MCC: variants seen among roughly 807,000 people sequenced by gnomAD.
MCC encodes MCC regulator of Wnt signaling pathway.
A neutral mutation model predicts 116.2 loss-of-function variants in MCC; 90 were observed. That is an observed-to-expected ratio of 0.77 (90% confidence interval 0.65 to 0.92). The LOEUF (loss-of-function observed/expected upper bound fraction) is 0.92, where lower values mean the gene tolerates loss of function less well. Among genes scored for constraint, MCC ranks in the 40% least tolerant of loss-of-function variants. MCC has a pLI of 0.00. For synonymous variants in MCC, 578 were observed against 510.5 expected, an observed-to-expected ratio of 1.13 and a Z score of -1.78; for missense variants, 1,516 against 1,312.2, an observed-to-expected ratio of 1.16 and a Z score of -2.40.
chr5:113,291,707 C>G (rs1190113218), intron 3 of MCC, among the ~76,000 whole-genome samples: 1 of 152,082 alleles, frequency 6.6e-6, no homozygotes, highest in African/African-American at 2.4e-5. Context: ...GAGGACTCAA[C>G]CATCAAAAGT....
intron 3 of MCC, among the ~76,000 whole-genome samples, chr5:113,178,324 G>A (rs149575143): frequency 2.0e-5 from 3 of 152,314 alleles, no homozygotes; most frequent in African/African-American, 7.2e-5. Context: ...TAGCAAGGTG[G>A]CTAGGGGTCA....
At chr5:113,175,530 T>C (rs1761288357) in intron 3 of MCC, among the ~76,000 whole-genome samples, 1 of 152,170 alleles carries the variant, frequency 6.6e-6, no homozygotes, top group Non-Finnish European at 1.5e-5. Flanking sequence ...TAGTTAGTGT[T>C]CAATTAGCCA....
intron 5 of MCC, among the ~76,000 whole-genome samples, chr5:113,135,615 T>C (rs1232783913): frequency 6.6e-6 from 1 of 151,462 alleles, no homozygotes; most frequent in East Asian, 2.0e-4. Flanking sequence ...GTAGCTATTG[T>C]AAATAGGATT....
intron 17 of MCC, among the ~76,000 whole-genome samples, chr5:113,031,677 C>T (rs996295565): frequency 3.9e-5 from 6 of 152,092 alleles, no homozygotes; most frequent in African/African-American, 1.4e-4. Context: ...GCAGTCAAAT[C>T]CCCTCCCTCC....
Position 113,132,088 on chromosome 5 carries a change from T to C in MCC, c.885-9262A>G, listed in dbSNP as rs183104296. Among the ~76,000 whole-genome samples, 450 of 152,114 alleles carry C rather than the reference T, an allele frequency of 3.0e-3. 4 individuals are homozygous for C. The highest frequency in any genetic ancestry group is 3.1e-3 in the Non-Finnish European group (213 of 67,990). On this transcript the variant is annotated intron_variant, in intron 5 of 18. Transcript: ENST00000408903. ...TTTATAGTGTGGGATATAAGCGTTTTTTTAAATAACGATTAATTTTTTATT... is the reference window on the plus strand; with the variant it reads ...TTTATAGTGTGGGATATAAGCGTTTCTTTAAATAACGATTAATTTTTTATT...
At chr5:113,294,532 AACGGAG>A in intron 3 of MCC, 1 of 1,456,766 alleles carries the variant, frequency 6.9e-7, no homozygotes, top group Non-Finnish European at 9.1e-7. Flanking sequence ...GCGAAGCGCA[AACGGAG>A]GATGCAGGCA....
chr5:113,217,081 T>G (rs1385338404), intron 3 of MCC, among the ~76,000 whole-genome samples: 1 of 152,220 alleles, frequency 6.6e-6, no homozygotes, highest in Admixed American at 6.5e-5. Flanking sequence ...GCATCACACT[T>G]GATCTTTTCA....
intron 3 of MCC, among the ~76,000 whole-genome samples, chr5:113,153,741 T>C (rs1301028790): frequency 6.6e-6 from 1 of 152,228 alleles, no homozygotes; most frequent in Non-Finnish European, 1.5e-5. Context: ...ACATCTGGAC[T>C]TGATGTCAGC....
chr5:113,366,973 T>A (rs1768703149), intron 2 of MCC, among the ~76,000 whole-genome samples: 1 of 152,034 alleles, frequency 6.6e-6, no homozygotes, highest in Non-Finnish European at 1.5e-5. Context: ...GGCTAATTTT[T>A]AAAATTTTTT....
At chr5:113,059,632 T>A (rs1753078821) in intron 14 of MCC, among the ~76,000 whole-genome samples, 1 of 152,242 alleles carries the variant, frequency 6.6e-6, no homozygotes, top group Admixed American at 6.5e-5. Flanking sequence ...ACAAAAACCC[T>A]CGCCACACAT....
intron 1 of MCC, chr5:113,435,421 G>A (rs1462667956): frequency 6.5e-6 from 1 of 152,802 alleles, no homozygotes; most frequent in Non-Finnish European, 1.5e-5. Context: ...AAAGAGTAGT[G>A]TAGACAGGAC....
chr5:113,099,646 G>C (rs889181770), intron 8 of MCC, among the ~76,000 whole-genome samples: 1 of 152,236 alleles, frequency 6.6e-6, no homozygotes, highest in South Asian at 2.1e-4. Flanking sequence ...GTGGTGACTT[G>C]GCAGGTCAGG....
intron 8 of MCC, among the ~76,000 whole-genome samples, chr5:113,093,527 G>C (rs186851183): frequency 8.5e-5 from 13 of 152,076 alleles, no homozygotes; most frequent in Middle Eastern, 3.4e-3. Context: ...TGCAAGCCAG[G>C]AGCATAAGGG....
intron 14 of MCC, among the ~76,000 whole-genome samples, chr5:113,062,030 CAAAT>C (rs1267674047): frequency 1.3e-4 from 20 of 152,282 alleles, no homozygotes; most frequent in Non-Finnish European, 2.2e-4. Flanking sequence ...TGTGGAGTGA[CAAAT>C]GAATGCCTCG....
intron 3 of MCC, among the ~76,000 whole-genome samples, chr5:113,310,083 C>T (rs940811688): frequency 2.6e-5 from 4 of 152,140 alleles, no homozygotes; most frequent in Non-Finnish European, 5.9e-5. Flanking sequence ...TACTCTTGGC[C>T]CTTCAGAGCC....
intron 3 of MCC, among the ~76,000 whole-genome samples, chr5:113,319,822 C>T (rs1323763034): frequency 2.0e-5 from 3 of 152,208 alleles, no homozygotes; most frequent in African/African-American, 7.2e-5. Context: ...CAAGCCACAG[C>T]AGGCCTCTCC....
intron 11 of MCC, among the ~76,000 whole-genome samples, chr5:113,079,317 C>T (rs1270370991): frequency 6.6e-6 from 1 of 152,168 alleles, no homozygotes; most frequent in East Asian, 1.9e-4. Flanking sequence ...CTTTAAAGTT[C>T]ATATGGAACC....
chr5:113,306,715 A>T (rs1412478306), intron 3 of MCC, among the ~76,000 whole-genome samples: 2 of 152,080 alleles, frequency 1.3e-5, no homozygotes, highest in African/African-American at 4.8e-5. Flanking sequence ...TCAAAATTTT[A>T]ATTTAATGAA....
intron 11 of MCC, among the ~76,000 whole-genome samples, chr5:113,072,880 T>A (rs1436324170): frequency 2.6e-5 from 4 of 152,112 alleles, no homozygotes; most frequent in Non-Finnish European, 5.9e-5. Flanking sequence ...TGCTGTCACA[T>A]TGCCACCTCT....
Sources: allele counts gnomAD v4.1 joint callset (sites outside exome capture counted in the v4.1 genomes callset), GRCh38; gene constraint gnomAD v4.1.1; transcripts MANE v1.5; gene names NCBI Gene and HGNC (gene_info 2026-07-23, HGNC 2026-07-21).